Variants in EDEM3 observed in about 807,000 individuals in gnomAD.
The protein encoded by EDEM3 is ER degradation enhancing alpha-mannosidase like protein 3.
Under a neutral mutation model 110.2 loss-of-function variants are expected in EDEM3, and 60 were observed. That is an observed-to-expected ratio of 0.54 (90% CI 0.44 to 0.67). The LOEUF is 0.67. EDEM3 is among the 30% of genes least tolerant of loss of function. The probability of loss-of-function intolerance (pLI) is 0.00; values close to 1 mark genes in which losing one functional copy is unlikely to be tolerated. For synonymous variants in EDEM3, 352 were observed against 382.9 expected (o/e 0.92, Z 0.94); for missense variants, 996 against 1,121.0 (o/e 0.89, Z 1.59).
At chr1:184,753,407 C>CTTT (rs35445359) in intron 1 of EDEM3, among the ~76,000 whole-genome samples, 1 of 138,334 alleles carries the variant, frequency 7.2e-6, no homozygotes. Flanking sequence ...TCAAAATGCA[C>CTTT]TTTTTTTTTT....
rs536732116 is a variant in EDEM3 at position 184,708,063 on chromosome 1, A to G, written c.2037+90T>C. On this transcript the variant is annotated intron_variant, in intron 17 of 19. Transcript: ENST00000318130. ...CTATTTCAGTTTTTTAAATAAATTA[A>G]AACTACTAAATTAGAGAAGAGACTA... 1.1e-4 allele frequency: 126 copies of G among 1,193,326 alleles called. No individual in the cohort carries two copies. In the South Asian group the frequency reaches 2.1e-3, roughly 20 times the overall value. The allele number at this position is 1,193,326 out of a possible 1,614,324, so 73.9% of individuals were successfully genotyped here.
intron 19 of EDEM3, among the ~76,000 whole-genome samples, chr1:184,698,446 C>T (rs1375242986): frequency 6.6e-6 from 1 of 151,788 alleles, no homozygotes. Flanking sequence ...ATGCAGCTTT[C>T]AAAAGAATAA....
At position 184,708,149 on chromosome 1, in the gene EDEM3, A is replaced by C; in HGVS notation, c.2037+4T>G. 6.2e-7 allele frequency: 1 copy of C among 1,607,078 alleles called. No homozygotes were observed. The highest frequency in any genetic ancestry group is 8.5e-7 in the Non-Finnish European group (1 of 1,177,170). ...TTCAACAACTATATTTTAAGTATAC[A>C]TACCTCTTTATGTTTAGACAGATCC... is the stretch of plus-strand genomic sequence containing the variant. On this transcript the variant is annotated splice_donor_region_variant and intron_variant, in intron 17 of 19. Coordinates refer to ENST00000318130, the MANE Select transcript of EDEM3 (RefSeq NM_025191.4).
chr1:184,712,557 T>C lies in EDEM3; in HGVS notation c.1412A>G (p.Tyr471Cys). ...FFLAEMFKYLYLLFADKEDII... is the reference protein window; with the variant it reads ...FFLAEMFKYLCLLFADKEDII... ...GTCTTCTTTATCAGCAAATAACAGG[T>C]AAAGATATTTAAACATTTCAGCCAA... Residue 471 changes from tyrosine to cysteine, a missense_variant, in exon 14 of 20, where the codon TAC (tyrosine) becomes TGC (cysteine). Around this residue, in one of 5 missense-constraint regions of EDEM3, gnomAD observed 310 missense variants for 394.6 expected, o/e 0.79. Coordinates refer to ENST00000318130, the MANE Select transcript of EDEM3 (RefSeq NM_025191.4). 2 of 1,570,072 alleles carry C rather than the reference T, an allele frequency of 1.3e-6. No homozygotes were observed. Among genetic ancestry groups the C allele is most frequent in the Non-Finnish European group, 1.7e-6 (2 of 1,154,268 alleles).
At chr1:184,747,276 T>G (rs146794540) in intron 2 of EDEM3, among the ~76,000 whole-genome samples, 2 of 152,202 alleles carry the variant, frequency 1.3e-5, no homozygotes, top group African/African-American at 4.8e-5. Context: ...AACCTGTAAA[T>G]AGCTGAGACA....
chr1:184,703,688 C>A (rs1264646481), intron 18 of EDEM3, among the ~76,000 whole-genome samples: 1 of 152,214 alleles, frequency 6.6e-6, no homozygotes, highest in African/African-American at 2.4e-5. Context: ...CCAGAAGAAA[C>A]TATCTGTCCT....
chr1:184,728,547 T>C lies in EDEM3; in HGVS notation c.613-2158A>G, dbSNP rs76091562. On this transcript the variant is annotated intron_variant, in intron 6 of 19. Coordinates refer to ENST00000318130, the MANE Select transcript of EDEM3 (RefSeq NM_025191.4). ...GACTATTTATTAACACAATTATCTA[T>C]AGTATCTGCTCATTTAAATCTTGTA... is the stretch of plus-strand genomic sequence containing the variant. Among the ~76,000 whole-genome samples the C allele has an allele frequency of 1.2e-3, 180 of 152,292 alleles. 1 individual carries two copies. The highest frequency in any genetic ancestry group is 4.1e-3 in the African/African-American group (170 of 41,570).
At chr1:184,694,518 G>A (rs374717864) in intron 19 of EDEM3, 46 bp from the exon 20 acceptor site, 2 of 1,494,788 alleles carry the variant, frequency 1.3e-6, no homozygotes, top group Admixed American at 2.2e-5. Flanking sequence ...CTAAAAAAAT[G>A]TACTATTACA....
chr1:184,719,401 C>T (rs756091948), intron 10 of EDEM3, 42 bp downstream of exon 10: 1 of 1,591,668 alleles, frequency 6.3e-7, no homozygotes, highest in Non-Finnish European at 8.5e-7. Context: ...TAATTAACAT[C>T]ATCATCTTAC....
At chr1:184,719,355 G>A in intron 10 of EDEM3, 88 bp downstream of exon 10, 3 of 1,538,278 alleles carry the variant, frequency 2.0e-6, no homozygotes, top group Non-Finnish European at 2.6e-6. Context: ...CTGCAACTAT[G>A]TTTTGTAGTT....
intron 2 of EDEM3, among the ~76,000 whole-genome samples, chr1:184,738,936 C>T (rs1261980242): frequency 6.6e-6 from 1 of 152,056 alleles, no homozygotes; most frequent in African/African-American, 2.4e-5. Context: ...AAAGGATACC[C>T]TGAACCTCTG....
chr1:184,753,785 C>T (rs1472379293), intron 1 of EDEM3, among the ~76,000 whole-genome samples: 1 of 152,166 alleles, frequency 6.6e-6, no homozygotes, highest in Non-Finnish European at 1.5e-5. Flanking sequence ...TCATGCCTTT[C>T]TCCCATTTCC....
chr1:184,696,663 T>C (rs1479029600), intron 19 of EDEM3, among the ~76,000 whole-genome samples: 1 of 151,988 alleles, frequency 6.6e-6, no homozygotes, highest in East Asian at 1.9e-4. Context: ...AGGTACAATT[T>C]AATTAGGCAA....
chr1:184,749,614 T>TG, intron 1 of EDEM3, 22 bp from the exon 2 acceptor site: 1 of 1,203,436 alleles, frequency 8.3e-7, no homozygotes, highest in South Asian at 1.8e-5. Flanking sequence ...AGAGCAGAAA[T>TG]GGAAAAAAAA....
rs1214319903 is a variant in EDEM3, at chr1:184,703,357, T to C, written c.2204-361A>G. Among the ~76,000 whole-genome samples the C allele has an allele frequency of 2.0e-5, 3 of 152,172 alleles. No individual in the cohort carries two copies. The East Asian group carries it at 5.8e-4, about 29-fold the overall frequency. The stretch of plus-strand genomic sequence containing the variant: ...TGACTATAAAAATTTCATATGCTTA[T>C]GGAAAAGCCTAGAAAGGAAAAAATC... On this transcript the variant is annotated intron_variant, in intron 18 of 19. Coordinates refer to ENST00000318130, the MANE Select transcript of EDEM3 (RefSeq NM_025191.4).
chr1:184,747,398 A>G (rs1024247788), intron 2 of EDEM3, among the ~76,000 whole-genome samples: 4 of 152,088 alleles, frequency 2.6e-5, no homozygotes, highest in Non-Finnish European at 5.9e-5. Flanking sequence ...CTGACTTCAA[A>G]TAACAAATAC....
chr1:184,748,187 C>G (rs1652540899), intron 2 of EDEM3, among the ~76,000 whole-genome samples: 1 of 152,130 alleles, frequency 6.6e-6, no homozygotes, highest in African/African-American at 2.4e-5. Context: ...TGGCTCACAC[C>G]TGTAATCCCA....
At chr1:184,703,800 G>A (rs961496454) in intron 18 of EDEM3, among the ~76,000 whole-genome samples, 7 of 152,184 alleles carry the variant, frequency 4.6e-5, no homozygotes, top group African/African-American at 1.4e-4. Flanking sequence ...CTGACCCTGA[G>A]TCTCTCTGGG....
intron 19 of EDEM3, chr1:184,701,570 T>C (rs1248099008): frequency 7.1e-6 from 9 of 1,273,670 alleles, no homozygotes; most frequent in African/African-American, 4.6e-5. Context: ...TAGCACAAAA[T>C]AGGGGGAAAA....
Sources: gnomAD v4.1 joint callset for allele counts (sites outside exome capture counted in the v4.1 genomes callset) on GRCh38, gnomAD v4.1.1 for gene constraint, gnomAD v4.1.1 regional missense constraint, MANE v1.5 for transcripts, NCBI Gene and HGNC (gene_info 2026-07-23, HGNC 2026-07-21) for gene names.